Variants in CNOT6 observed in about 807,000 individuals in gnomAD.
The protein encoded by CNOT6 is carbon catabolite repression 4 protein.
A neutral mutation model predicts 61.2 loss-of-function variants in CNOT6; 12 were observed. The ratio of observed to expected loss-of-function variants is 0.20; its 90% CI spans 0.13 to 0.32. The LOEUF is 0.32. Ranked by LOEUF, CNOT6 falls within the 10% of genes least tolerant of loss-of-function variation. The pLI is 1.00. For missense variants in CNOT6, 405 were observed against 663.9 expected (o/e 0.61, Z 4.28); for synonymous variants, 225 against 240.6 (o/e 0.94, Z 0.60).
At chr5:180,504,524 G>A (rs1757035529) in intron 1 of CNOT6, among the ~76,000 whole-genome samples, 1 of 152,134 alleles carries the variant, frequency 6.6e-6, no homozygotes, top group South Asian at 2.1e-4. Context: ...ATAGATTTTG[G>A]AAAGTCTGGC....
chr5:180,544,449 A>G (rs1759205206), intron 2 of CNOT6, among the ~76,000 whole-genome samples: 1 of 152,140 alleles, frequency 6.6e-6, no homozygotes, highest in South Asian at 2.1e-4. Context: ...GTACTTAGAA[A>G]TTTATTCCAG....
intron 2 of CNOT6, among the ~76,000 whole-genome samples, chr5:180,530,199 C>A (rs1051037314): frequency 6.6e-6 from 1 of 152,164 alleles, no homozygotes; most frequent in East Asian, 1.9e-4. Flanking sequence ...ACCTGACCGC[C>A]CTTGATTTTT....
At chr5:180,570,374 AAAAG>A (rs1470886955) in intron 10 of CNOT6, among the ~76,000 whole-genome samples, 6 of 152,168 alleles carry the variant, frequency 3.9e-5, no homozygotes, top group East Asian at 3.9e-4. Context: ...ATATGATAAT[AAAAG>A]AGAGAGAAAG....
chr5:180,509,526 C>T (rs1757285346), intron 1 of CNOT6, among the ~76,000 whole-genome samples: 1 of 152,098 alleles, frequency 6.6e-6, no homozygotes, highest in African/African-American at 2.4e-5. Context: ...TCATTGCAAC[C>T]TCTGCCTCCG....
chr5:180,530,853 A>G (rs976444892), intron 2 of CNOT6, among the ~76,000 whole-genome samples: 31 of 152,338 alleles, frequency 2.0e-4, no homozygotes, highest in Admixed American at 1.3e-4. Flanking sequence ...GAGTGGACAC[A>G]GCACATGTTT....
chr5:180,533,188 C>T (rs1758476035), intron 2 of CNOT6, among the ~76,000 whole-genome samples: 1 of 151,828 alleles, frequency 6.6e-6, no homozygotes. Flanking sequence ...AGATTAGAGT[C>T]CTGCCTTGGG....
intron 1 of CNOT6, among the ~76,000 whole-genome samples, chr5:180,505,908 G>C (rs1231776336): frequency 1.3e-5 from 2 of 152,164 alleles, no homozygotes; most frequent in Non-Finnish European, 2.9e-5. Flanking sequence ...TTTGAGATCT[G>C]CTGTCTTAGT....
At chr5:180,569,870 C>G (rs2127766463) in intron 10 of CNOT6, among the ~76,000 whole-genome samples, 1 of 152,296 alleles carries the variant, frequency 6.6e-6, no homozygotes, top group South Asian at 2.1e-4. Context: ...AAAGCCTGAT[C>G]TGGAGCGCTC....
At chr5:180,501,922 A>G (rs1374209575) in intron 1 of CNOT6, among the ~76,000 whole-genome samples, 2 of 152,146 alleles carry the variant, frequency 1.3e-5, no homozygotes, top group African/African-American at 4.8e-5. Flanking sequence ...AGGTGGGGGA[A>G]TGAATGCAGG....
chr5:180,511,340 G>A (rs896579470), intron 1 of CNOT6, among the ~76,000 whole-genome samples: 7 of 151,694 alleles, frequency 4.6e-5, no homozygotes, highest in African/African-American at 1.5e-4. Flanking sequence ...GGCCAGGGGC[G>A]GTGGCTCACG....
chr5:180,528,514 A>C (rs993765979), intron 1 of CNOT6, among the ~76,000 whole-genome samples: 1 of 151,530 alleles, frequency 6.6e-6, no homozygotes, highest in African/African-American at 2.4e-5. Flanking sequence ...ATGGAGTTTC[A>C]CCACATTAGC....
chr5:180,524,863 C>G (rs552254559), intron 1 of CNOT6, among the ~76,000 whole-genome samples: 263 of 152,306 alleles, frequency 1.7e-3, no homozygotes, highest in African/African-American at 5.7e-3. Flanking sequence ...TAATGAAGAT[C>G]AGATAGTTAC....
intron 4 of CNOT6, among the ~76,000 whole-genome samples, chr5:180,554,013 G>C (rs574567672): frequency 6.6e-6 from 1 of 152,316 alleles, no homozygotes; most frequent in African/African-American, 2.4e-5. Flanking sequence ...GTATGTCAAT[G>C]CCTATAAATT....
intron 4 of CNOT6, 56 bp downstream of exon 4, chr5:180,553,527 A>G (rs11738129): frequency 0.53 from 703,941 of 1,337,288 alleles, 189,022 homozygotes; most frequent in Non-Finnish European, 0.56. Flanking sequence ...TTGAATCTAA[A>G]GAAGCCAAGA....
rs71591495 is a variant in CNOT6, at chr5:180,529,197, C to CAAAAAA, written c.-2-67_-2-62dup. 8.6e-5 allele frequency: 50 copies of CAAAAAA among 582,522 alleles called. 1 individual carries two copies. The highest frequency in any genetic ancestry group is 1.4e-4 in the South Asian group (7 of 51,446). 36.1% of individuals were successfully genotyped at this position (582,522 alleles called of 1,614,324 possible). ...TGGGTGACAGAGTCAGACTTCGTCT[C>CAAAAAA]AAAAAAAAAAAAAAAAGGTGTTGTG... is the stretch of plus-strand genomic sequence containing the variant. On this transcript the variant is annotated intron_variant, in intron 1 of 11. Coordinates refer to ENST00000261951, the MANE Select transcript of CNOT6 (RefSeq NM_001370472.1).
In CNOT6 at chr5:180,546,489, C is replaced by A. The variant is rs556339104; in HGVS notation, c.113-3442C>A. Among the ~76,000 whole-genome samples, 14 of 152,242 alleles carry A rather than the reference C, an allele frequency of 9.2e-5. 1 individual carries two copies. In the South Asian group the frequency reaches 2.7e-3, roughly 29 times the overall value. On this transcript the variant is annotated intron_variant, in intron 2 of 11. Coordinates refer to ENST00000261951, the MANE Select transcript of CNOT6 (RefSeq NM_001370472.1). Reference sequence around the variant, plus strand: ...AGTGTGCTGTCAAGTACTAGTACACCTCTTTACATGCAGATAATAGCCCAA... The same window carrying A: ...AGTGTGCTGTCAAGTACTAGTACACATCTTTACATGCAGATAATAGCCCAA...
intron 1 of CNOT6, among the ~76,000 whole-genome samples, chr5:180,517,227 T>A (rs1314586382): frequency 6.6e-6 from 1 of 152,210 alleles, no homozygotes; most frequent in African/African-American, 2.4e-5. Context: ...AGCCCCGACT[T>A]TCCTGGCTCA....
At chr5:180,561,752 T>C (rs1297161330) in intron 4 of CNOT6, among the ~76,000 whole-genome samples, 2 of 152,216 alleles carry the variant, frequency 1.3e-5, no homozygotes, top group African/African-American at 4.8e-5. Context: ...GGTGGTAGTT[T>C]TGGCTCTTCA....
At chr5:180,520,818 C>G (rs1216710431) in intron 1 of CNOT6, among the ~76,000 whole-genome samples, 1 of 151,644 alleles carries the variant, frequency 6.6e-6, no homozygotes, top group Admixed American at 6.6e-5. Flanking sequence ...GTTTAACATT[C>G]CATCTTTTTA....
Sources: allele counts gnomAD v4.1 joint callset (sites outside exome capture counted in the v4.1 genomes callset), GRCh38; gene constraint gnomAD v4.1.1; transcripts MANE v1.5; gene names NCBI Gene and HGNC (gene_info 2026-07-23, HGNC 2026-07-21).